SAMD12: variants seen among roughly 807,000 people sequenced by gnomAD.
The protein encoded by SAMD12 is sterile alpha motif domain-containing protein 12.
A neutral mutation model predicts 15.0 loss-of-function variants in SAMD12; 9 were observed. The ratio of observed to expected loss-of-function variants is 0.60; its 90% CI spans 0.36 to 1.05. SAMD12 has a LOEUF of 1.05. Among genes scored for constraint, SAMD12 ranks in the 50% least tolerant of loss-of-function variants. The pLI is 0.01. For missense variants in SAMD12, 230 were observed against 234.2 expected, an observed-to-expected ratio of 0.98 and a Z score of 0.12; for synonymous variants, 86 against 90.1, an observed-to-expected ratio of 0.96 and a Z score of 0.25.
chr8:118,250,795 G>A (rs1812803185), intron 4 of SAMD12, among the ~76,000 whole-genome samples: 1 of 151,930 alleles, frequency 6.6e-6, no homozygotes, highest in South Asian at 2.1e-4. Flanking sequence ...GTAAGCCACT[G>A]CATCTCACCA....
At position 118,378,144 on chromosome 8, in the gene SAMD12, C is replaced by T. The variant is rs530339249; in HGVS notation, c.*1273G>A. The T allele has an allele frequency of 4.2e-4, 64 of 153,012 alleles. No individual in the cohort carries two copies. The highest frequency in any genetic ancestry group is 7.9e-4 in the Non-Finnish European group (54 of 68,734). The allele number at this position is 153,012 out of a possible 1,614,324, so 9.5% of individuals were successfully genotyped here. ...CTTTCCTCCCACCTTGTATGACTTA[C>T]GTAATTTCCCATGTTGTCATGTATT... On this transcript the variant is annotated 3_prime_UTR_variant, in exon 4 of 4. Coordinates refer to ENST00000314727, the MANE Select transcript of SAMD12 (RefSeq NM_207506.3).
At chr8:118,191,850 A>AGAGAGAGT (rs1306244240) in exon 5 of SAMD12, 10 of 122,572 alleles carry the variant, frequency 8.2e-5, no homozygotes, top group Non-Finnish European at 1.2e-4. Context: ...AGAGAGAGAG[A>AGAGAGAGT]GTGAGAAAAG....
At chr8:118,198,551 T>C (rs1253732516) in intron 4 of SAMD12, among the ~76,000 whole-genome samples, 1 of 152,134 alleles carries the variant, frequency 6.6e-6, no homozygotes, top group Non-Finnish European at 1.5e-5. Flanking sequence ...GCACAGCAGG[T>C]ATTCTTGATG....
the SAMD12 span, among the ~76,000 whole-genome samples, chr8:118,136,804 T>C: frequency 2.0e-5 from 3 of 152,284 alleles, no homozygotes; most frequent in African/African-American, 7.2e-5. Flanking sequence ...CTGTAGAAGA[T>C]GTGAGGAAAT....
downstream of SAMD12, among the ~76,000 whole-genome samples, chr8:118,377,380 A>C (rs1819441526): frequency 6.6e-6 from 1 of 152,186 alleles, no homozygotes; most frequent in African/African-American, 2.4e-5. Context: ...CTGGGGCAAC[A>C]GAGTGAGACT....
intron 4 of SAMD12, among the ~76,000 whole-genome samples, chr8:118,301,272 T>C (rs1371463119): frequency 1.3e-5 from 2 of 152,176 alleles, no homozygotes; most frequent in Admixed American, 1.3e-4. Flanking sequence ...ATGCAACATA[T>C]GTTATTATAC....
chr8:118,237,029 G>A (rs1204356857), intron 4 of SAMD12, among the ~76,000 whole-genome samples: 5 of 152,152 alleles, frequency 3.3e-5, no homozygotes, highest in African/African-American at 1.2e-4. Context: ...CTTAAGTCTT[G>A]CCTTTCCCAT....
chr8:118,564,054 C>T (rs1240900412), intron 2 of SAMD12, among the ~76,000 whole-genome samples: 2 of 152,094 alleles, frequency 1.3e-5, no homozygotes, highest in East Asian at 3.8e-4. Flanking sequence ...AGGGGTCATT[C>T]AAGGAGAAGC....
chr8:118,324,650 G>C (rs986821866), intron 4 of SAMD12, among the ~76,000 whole-genome samples: 1 of 152,164 alleles, frequency 6.6e-6, no homozygotes, highest in Non-Finnish European at 1.5e-5. Context: ...GCATGTGGAG[G>C]AAGTGAGACC....
intron 4 of SAMD12, among the ~76,000 whole-genome samples, chr8:118,269,143 A>G (rs749286626): frequency 8.0e-6 from 1 of 125,578 alleles, no homozygotes; most frequent in African/African-American, 3.1e-5. Flanking sequence ...CTTTCCTATT[A>G]TTTTCCATGT....
intron 3 of SAMD12, among the ~76,000 whole-genome samples, chr8:118,432,907 TCAC>T (rs1822457848): frequency 6.6e-6 from 1 of 152,152 alleles, no homozygotes; most frequent in Admixed American, 6.5e-5. Context: ...ACTGCCGCCA[TCAC>T]CACCACAATA....
At chr8:118,209,253 A>C (rs942259227) in intron 4 of SAMD12, among the ~76,000 whole-genome samples, 3 of 152,206 alleles carry the variant, frequency 2.0e-5, no homozygotes, top group African/African-American at 4.8e-5. Context: ...AAAAGAGCTC[A>C]AGTCGAGTTC....
chr8:118,549,284 T>A (rs1021052500), intron 2 of SAMD12, among the ~76,000 whole-genome samples: 3 of 152,086 alleles, frequency 2.0e-5, no homozygotes, highest in African/African-American at 7.2e-5. Flanking sequence ...ACCCCCCAAG[T>A]AGGGGCAAAC....
chr8:118,557,362 CTTCTT>C (rs1826567542), intron 2 of SAMD12, among the ~76,000 whole-genome samples: 1 of 152,190 alleles, frequency 6.6e-6, no homozygotes, highest in Non-Finnish European at 1.5e-5. Context: ...GTTAATTAAA[CTTCTT>C]TTCTATATAA....
At chr8:118,407,106 TAACAAC>T (rs200287329) in intron 3 of SAMD12, among the ~76,000 whole-genome samples, 1 of 152,046 alleles carries the variant, frequency 6.6e-6, no homozygotes, top group African/African-American at 2.4e-5. Flanking sequence ...AACTATTAAG[TAACAAC>T]AACAACAACA....
At chr8:118,433,501 T>C (rs902173365) in intron 3 of SAMD12, among the ~76,000 whole-genome samples, 1 of 151,958 alleles carries the variant, frequency 6.6e-6, no homozygotes, top group African/African-American at 2.4e-5. Flanking sequence ...CCCTGAATCA[T>C]CAAGAAAACG....
intron 4 of SAMD12, among the ~76,000 whole-genome samples, chr8:118,346,232 T>C (rs1475541832): frequency 6.6e-6 from 1 of 152,196 alleles, no homozygotes; most frequent in Non-Finnish European, 1.5e-5. Flanking sequence ...CATGGTAATA[T>C]AGATTTATAC....
the SAMD12 span, among the ~76,000 whole-genome samples, chr8:118,155,699 T>C: frequency 6.6e-6 from 1 of 152,248 alleles, no homozygotes; most frequent in Non-Finnish European, 1.5e-5. Context: ...AGGGTGCCTA[T>C]GGCAAAGATT....
At chr8:118,165,638 A>ATATATATGTG in the SAMD12 span, among the ~76,000 whole-genome samples, 1 of 132,542 alleles carries the variant, frequency 7.5e-6, no homozygotes, top group Non-Finnish European at 1.5e-5. Flanking sequence ...ATATATATAC[A>ATATATATGTG]TATATATATA....
Sources: allele counts gnomAD v4.1 joint callset (sites outside exome capture counted in the v4.1 genomes callset), GRCh38; gene constraint gnomAD v4.1.1; transcripts MANE v1.5; gene names NCBI Gene and HGNC (gene_info 2026-07-23, HGNC 2026-07-21).